The following SPTBN2 variants were observed in gnomAD, a reference collection of about 807,000 sequenced individuals.
The protein encoded by SPTBN2 is spectrin beta, non-erythrocytic 2, also known as spectrin beta chain, non-erythrocytic 2.
In SPTBN2, 107 loss-of-function variants were observed where a neutral mutation model predicts 284.2. That is an observed-to-expected ratio of 0.38 (90% confidence interval 0.32 to 0.44). The LOEUF (loss-of-function observed/expected upper bound fraction) is 0.44. Among genes scored for constraint, SPTBN2 ranks in the 20% least tolerant of loss-of-function variants. The pLI is 1.00. For synonymous variants in SPTBN2, 1,289 were observed against 1,354.8 expected (o/e 0.95, Z 1.07); for missense variants, 2,569 against 3,287.1 (o/e 0.78, Z 5.34).
chr11:66,685,079 TC>T lies in SPTBN2; in HGVS notation c.*791del, dbSNP rs1940023696. On this transcript the variant is annotated 3_prime_UTR_variant, in exon 38 of 38. Transcript: ENST00000533211. This position sits in a 1 kb window ranked among gnomAD's most constrained non-coding sequence, Gnocchi z 4.4. ...ATTGGTCAACCCAGCACACTGGAGGTCACTGTCAGAGGGAAATGAGACCAGG... is the reference window on the plus strand; with the variant it reads ...ATTGGTCAACCCAGCACACTGGAGGTACTGTCAGAGGGAAATGAGACCAGG... Among the ~76,000 whole-genome samples the T allele has an allele frequency of 6.6e-6, 1 of 152,044 alleles. No individual in the cohort carries two copies. Among genetic ancestry groups the T allele is most frequent in the Non-Finnish European group, 1.5e-5 (1 of 68,024 alleles).
chr11:66,698,830 G>A (rs754445976), intron 19 of SPTBN2, 45 bp from the exon 20 acceptor site: 33 of 1,610,766 alleles, frequency 2.0e-5, no homozygotes, highest in South Asian at 9.9e-5. Flanking sequence ...GAGGGGAGAG[G>A]GGGGCATAAA....
chr11:66,708,797 G>C lies in SPTBN2; in HGVS notation c.1191+105C>G. On this transcript the variant is annotated intron_variant, in intron 11 of 37. Transcript: ENST00000533211. This position sits in a 1 kb window ranked among gnomAD's most constrained non-coding sequence, Gnocchi z 4.4. Reference sequence around the variant, plus strand: ...GAGTTTCAAGTTGGGGCAGCAGATAGTAGAACTTGGTGAAGGTCGACATGG... The same window carrying C: ...GAGTTTCAAGTTGGGGCAGCAGATACTAGAACTTGGTGAAGGTCGACATGG... The C allele has an allele frequency of 1.1e-6, 1 of 913,878 alleles. No individual in the cohort carries two copies. Among genetic ancestry groups the C allele is most frequent in the Non-Finnish European group, 1.8e-6 (1 of 566,346 alleles). The allele number at this position is 913,878 out of a possible 1,614,324, so 56.6% of individuals were successfully genotyped here.
At chr11:66,690,364 C>A (rs760076092) in intron 27 of SPTBN2, 81 bp from the exon 28 acceptor site, 4 of 1,455,550 alleles carry the variant, frequency 2.7e-6, no homozygotes, top group Non-Finnish European at 9.0e-7. Context: ...CTGCCACTCT[C>A]ACCTCCTGCC....
In SPTBN2 at chr11:66,692,526, C is replaced by T. The variant is rs1940626888; in HGVS notation, c.5190+10G>A. ...GGTTGATCTGAGCTGGGTGCCCTCC[C>T]TACACTCACAGTCACATGCTCGTAG... On this transcript the variant is annotated intron_variant, in intron 26 of 37. Coordinates refer to ENST00000533211, the MANE Select transcript of SPTBN2 (RefSeq NM_006946.4). The T allele has an allele frequency of 6.2e-7, 1 of 1,600,858 alleles. No individual in the cohort carries two copies. Among genetic ancestry groups the T allele is most frequent in the Non-Finnish European group, 8.5e-7 (1 of 1,179,946 alleles).
intron 37 of SPTBN2, 21 bp from the exon 38 acceptor site, chr11:66,686,125 A>C: frequency 6.2e-7 from 1 of 1,604,686 alleles, no homozygotes; most frequent in Non-Finnish European, 8.5e-7. Flanking sequence ...AAAGACCCTC[A>C]ATCAGCTTCA....
rs780227416 is a variant in SPTBN2 at position 66,744,664 on chromosome 11, G to A, written c.-597C>T. On this transcript the variant is annotated 5_prime_UTR_variant, in exon 1 of 38. Transcript: ENST00000611817. ...CCCGGCGGCGGTTCGCGGTCTCGGGGCCCTGCAGCGTCGAGTGCGCAGGCG... is the reference window on the plus strand; with the variant it reads ...CCCGGCGGCGGTTCGCGGTCTCGGGACCCTGCAGCGTCGAGTGCGCAGGCG... 1.6e-3 allele frequency: 793 copies of A among 496,342 alleles called. 5 individuals carry two copies. Among genetic ancestry groups the A allele is most frequent in the Admixed American group, 3.8e-3 (68 of 18,082 alleles). The allele number at this position is 496,342 out of a possible 1,614,324, so 30.7% of individuals were successfully genotyped here. A position where few individuals can be genotyped will look rare whatever the true frequency, so the allele number is the denominator to read the frequency against.
At chr11:66,713,997 T>C (rs1235780805) in intron 7 of SPTBN2, 94 bp downstream of exon 7, 1 of 1,309,656 alleles carries the variant, frequency 7.6e-7, no homozygotes, top group East Asian at 2.3e-5. Flanking sequence ...GTCTGACTGC[T>C]GTGCAGCTCA....
intron 26 of SPTBN2, among the ~76,000 whole-genome samples, chr11:66,692,082 T>TTG (rs1318477142): frequency 2.6e-5 from 4 of 152,040 alleles, no homozygotes; most frequent in East Asian, 1.9e-4. Context: ...ATTCTTCAAA[T>TTG]TGTGTGTGTG....
rs374741931 is a variant in SPTBN2, at chr11:66,700,651, G to A, written c.3448C>T (p.Leu1150=). Reference sequence around the variant, plus strand: ...CCCAGCTCCTCCCAGCCAGTTCCCAGGGCCTCCAGTCGCTGTCGTAGGAAG... The same window carrying A: ...CCCAGCTCCTCCCAGCCAGTTCCCAAGGCCTCCAGTCGCTGTCGTAGGAAG... ...CLFLRQRLEA[L]GTGWEELGRM... Residue 1150 remains leucine, a synonymous_variant, in exon 17 of 38, where the codon CTG becomes TTG. Transcript: ENST00000533211. The surrounding 1 kb of genome is among the most constrained non-coding windows in gnomAD (Gnocchi z 6.6). The A allele has an allele frequency of 9.9e-5, 159 of 1,607,896 alleles. No individual in the cohort carries two copies. Among genetic ancestry groups the A allele is most frequent in the Non-Finnish European group, 1.3e-4 (151 of 1,179,928 alleles).
At chr11:66,716,396 C>T (rs1212206761) in intron 3 of SPTBN2, among the ~76,000 whole-genome samples, 6 of 151,434 alleles carry the variant, frequency 4.0e-5, no homozygotes, top group Non-Finnish European at 7.4e-5. Context: ...GGCAGACTGA[C>T]GTGAACCTGG....
chr11:66,717,677 C>T (rs537762127), intron 3 of SPTBN2, among the ~76,000 whole-genome samples: 5 of 152,316 alleles, frequency 3.3e-5, no homozygotes, highest in African/African-American at 1.2e-4. Flanking sequence ...AGGGGCACTG[C>T]CCTACTGCTG....
intron 3 of SPTBN2, among the ~76,000 whole-genome samples, chr11:66,716,823 G>A (rs955040551): frequency 5.3e-5 from 8 of 152,238 alleles, no homozygotes; most frequent in Non-Finnish European, 1.0e-4. Context: ...CAGGCCGGTG[G>A]GAGGTATGGC....
In SPTBN2 at chr11:66,718,402, C is replaced by T. The variant is rs920346615; in HGVS notation, c.158-2421G>A. Among the ~76,000 whole-genome samples the T allele has an allele frequency of 6.6e-6, 1 of 152,254 alleles. No individual in the cohort carries two copies. Among genetic ancestry groups the T allele is most frequent in the Admixed American group, 6.5e-5 (1 of 15,284 alleles). On this transcript the variant is annotated intron_variant, in intron 3 of 37. Coordinates refer to ENST00000533211, the MANE Select transcript of SPTBN2 (RefSeq NM_006946.4). The surrounding 1 kb of genome is among the most constrained non-coding windows in gnomAD (Gnocchi z 4.8). ...TCTCCCCACACCCAGGTCCCTCTCGCCCAGGCACAGTCGTCCCCACAGGGG... is the reference window on the plus strand; with the variant it reads ...TCTCCCCACACCCAGGTCCCTCTCGTCCAGGCACAGTCGTCCCCACAGGGG...
At chr11:66,730,791 A>C (rs762116002), upstream of SPTBN2, among the ~76,000 whole-genome samples, 4 of 152,194 alleles carry the variant, frequency 2.6e-5, no homozygotes, top group Non-Finnish European at 5.9e-5. Flanking sequence ...ATAATCCTTC[A>C]AGAAGCCTTG....
intron 8 of SPTBN2, among the ~76,000 whole-genome samples, chr11:66,712,319 T>C (rs1299556499): frequency 6.6e-6 from 1 of 152,056 alleles, no homozygotes; most frequent in East Asian, 1.9e-4. Context: ...GAGGCCGAGG[T>C]GGGCGGACCA....
intron 1 of SPTBN2, among the ~76,000 whole-genome samples, chr11:66,736,964 A>T (rs1374640054): frequency 2.0e-5 from 3 of 152,232 alleles, no homozygotes; most frequent in Non-Finnish European, 4.4e-5. Context: ...AATTGTGTGA[A>T]CTTGGACAAG....
At position 66,710,924 on chromosome 11, in the gene SPTBN2, A is replaced by G. The variant is rs1455508695; in HGVS notation, c.878T>C (p.Ile293Thr). The G allele has an allele frequency of 1.2e-6, 2 of 1,614,198 alleles. No homozygotes were observed. The highest frequency in any genetic ancestry group is 1.7e-6 in the Non-Finnish European group (2 of 1,180,018). Residue 293 changes from isoleucine (I) to threonine (T), a missense_variant, in exon 9 of 38, where the codon ATT (isoleucine) becomes ACT (threonine). Transcript: ENST00000533211. The surrounding 1 kb of genome is among the most constrained non-coding windows in gnomAD (Gnocchi z 4.9). ...ACTGCCCATGGACAGTACCTTGCCA[A>G]TTCTCTTGCCTTCCACGGCCAGGGC... ...MKALAVEGKR[I>T]GKVLDHAMEA...
chr11:66,722,962 C>T (rs184034296), intron 1 of SPTBN2, among the ~76,000 whole-genome samples: 3 of 151,868 alleles, frequency 2.0e-5, no homozygotes, highest in Non-Finnish European at 2.9e-5. Context: ...GAAACAGTGC[C>T]GGGTTTTGAA....
At chr11:66,743,379 C>T (rs2135618533) in intron 1 of SPTBN2, among the ~76,000 whole-genome samples, 1 of 152,286 alleles carries the variant, frequency 6.6e-6, no homozygotes, top group South Asian at 2.1e-4. Context: ...GTGTACTGGG[C>T]AGGCACTCTG....
Sources: allele counts gnomAD v4.1 joint callset (sites outside exome capture counted in the v4.1 genomes callset), GRCh38; gene constraint gnomAD v4.1.1; non-coding constraint Gnocchi (gnomAD v3.1); transcripts MANE v1.5; gene names NCBI Gene and HGNC (gene_info 2026-07-23, HGNC 2026-07-21).